Variants in ROBO2 observed in about 807,000 individuals in gnomAD.
ROBO2 encodes the protein roundabout homolog 2.
In ROBO2, 53 loss-of-function variants were observed where a neutral mutation model predicts 160.8. That is an observed-to-expected ratio of 0.33 (90% CI 0.26 to 0.41). The LOEUF is 0.41. Ranked by LOEUF, ROBO2 falls within the 10% of genes least tolerant of loss-of-function variation. The pLI is 1.00. For missense variants in ROBO2, 1,577 were observed against 1,722.4 expected (o/e 0.92, Z 1.49); for synonymous variants, 664 against 611.7 (o/e 1.09, Z -1.26).
chr3:77,419,805 A>T (rs1262758679), intron 2 of ROBO2, among the ~76,000 whole-genome samples: 1 of 152,266 alleles, frequency 6.6e-6, no homozygotes, highest in Admixed American at 6.5e-5. Flanking sequence ...CTTCTCAAAA[A>T]TGAATTTATT....
At chr3:77,495,805 G>A (rs1395015025) in intron 5 of ROBO2, among the ~76,000 whole-genome samples, 1 of 152,168 alleles carries the variant, frequency 6.6e-6, no homozygotes, top group Admixed American at 6.6e-5. Context: ...CGAGCTAGTT[G>A]ACAAAAGTAT....
chr3:77,044,943 G>A (rs1339130943), intron 1 of ROBO2, among the ~76,000 whole-genome samples: 3 of 152,092 alleles, frequency 2.0e-5, no homozygotes, highest in Non-Finnish European at 4.4e-5. Context: ...CATAGATATT[G>A]CTTTTCTCCT....
chr3:76,722,122 G>A (rs1456175401), intron 2 of ROBO2, among the ~76,000 whole-genome samples: 1 of 152,148 alleles, frequency 6.6e-6, no homozygotes. Context: ...TGGGAACAGA[G>A]GGAATGAAGT....
chr3:76,489,160 T>TTG (rs1553771720), intron 2 of ROBO2, among the ~76,000 whole-genome samples: 1 of 150,368 alleles, frequency 6.7e-6, no homozygotes, highest in African/African-American at 2.4e-5. Context: ...TTTTGTTTTT[T>TTG]TTTTTGGCCT....
At chr3:77,039,618 TCTC>T (rs1333622961), upstream of ROBO2, among the ~76,000 whole-genome samples, 1 of 151,866 alleles carries the variant, frequency 6.6e-6, no homozygotes, top group African/African-American at 2.4e-5. Context: ...CCGGCGGGGC[TCTC>T]CGAATTTGTT....
intron 2 of ROBO2, among the ~76,000 whole-genome samples, chr3:77,465,927 T>G (rs147519007): frequency 4.5e-4 from 69 of 152,306 alleles, no homozygotes; most frequent in African/African-American, 1.6e-3. Context: ...TTTGCATGTA[T>G]AAAAAGTACT....
chr3:76,308,863 G>A (rs1278754203), intron 2 of ROBO2, among the ~76,000 whole-genome samples: 1 of 152,128 alleles, frequency 6.6e-6, no homozygotes, highest in Non-Finnish European at 1.5e-5. Context: ...AAGAAACCTT[G>A]GAAATCTAAA....
At chr3:77,632,505 T>A in intron 23 of ROBO2, 1 of 1,535,064 alleles carries the variant, frequency 6.5e-7, no homozygotes, top group Non-Finnish European at 8.7e-7. Context: ...GCTCTGCATC[T>A]GATGAGGATC....
chr3:77,015,406 A>AT (rs1203763135), intron 2 of ROBO2, among the ~76,000 whole-genome samples: 24 of 152,296 alleles, frequency 1.6e-4, no homozygotes, highest in African/African-American at 5.8e-4. Context: ...TGCCTTTGAT[A>AT]TTTTAAGAGA....
intron 2 of ROBO2, among the ~76,000 whole-genome samples, chr3:76,979,030 C>T (rs1317578912): frequency 6.6e-6 from 1 of 151,786 alleles, no homozygotes; most frequent in Non-Finnish European, 1.5e-5. Flanking sequence ...GTAGACTCAA[C>T]ATCTTGAGCT....
chr3:76,240,040 G>C (rs1451995060), intron 2 of ROBO2, among the ~76,000 whole-genome samples: 1 of 152,136 alleles, frequency 6.6e-6, no homozygotes, highest in Non-Finnish European at 1.5e-5. Flanking sequence ...GTCACAGTGT[G>C]ATCAGGCAGA....
intron 2 of ROBO2, among the ~76,000 whole-genome samples, chr3:77,157,268 CA>C (rs1475397139): frequency 1.3e-5 from 2 of 152,032 alleles, no homozygotes; most frequent in Admixed American, 6.6e-5. Context: ...TAAGAGATCC[CA>C]TACTTAACAA....
At chr3:76,530,783 G>A (rs1444038994) in intron 2 of ROBO2, among the ~76,000 whole-genome samples, 2 of 152,130 alleles carry the variant, frequency 1.3e-5, no homozygotes, top group East Asian at 1.9e-4. Context: ...ATACACAGCC[G>A]ATACTATTTC....
At chr3:77,237,445 G>GTGT (rs1553862748) in intron 2 of ROBO2, among the ~76,000 whole-genome samples, 3 of 147,024 alleles carry the variant, frequency 2.0e-5, no homozygotes, top group South Asian at 2.2e-4. Flanking sequence ...GTGTGTGTGT[G>GTGT]GTGGTGATAA....
At chr3:76,778,967 G>C (rs915564240) in intron 2 of ROBO2, among the ~76,000 whole-genome samples, 7 of 151,058 alleles carry the variant, frequency 4.6e-5, no homozygotes, top group African/African-American at 1.7e-4. Flanking sequence ...AACATCACAT[G>C]TGTTTGTGTT....
chr3:76,108,067 T>C (rs1234828008), intron 2 of ROBO2, among the ~76,000 whole-genome samples: 1 of 152,076 alleles, frequency 6.6e-6, no homozygotes, highest in Non-Finnish European at 1.5e-5. Flanking sequence ...ACTCTTTTTA[T>C]TAGATGCTCT....
intron 2 of ROBO2, among the ~76,000 whole-genome samples, chr3:77,022,187 T>C (rs1422553480): frequency 2.6e-5 from 4 of 152,190 alleles, no homozygotes; most frequent in Admixed American, 2.6e-4. Flanking sequence ...CTGGCCAACA[T>C]GGCGAAATCT....
intron 2 of ROBO2, among the ~76,000 whole-genome samples, chr3:76,534,464 A>G (rs1234054361): frequency 6.6e-6 from 1 of 152,116 alleles, no homozygotes; most frequent in Non-Finnish European, 1.5e-5. Flanking sequence ...CTATTATATT[A>G]CCCATTTACC....
chr3:76,529,861 T>C (rs2082133510), intron 2 of ROBO2, among the ~76,000 whole-genome samples: 1 of 152,162 alleles, frequency 6.6e-6, no homozygotes, highest in South Asian at 2.1e-4. Flanking sequence ...TGGTAAGATA[T>C]GTGGAGGTGG....
Sources: allele counts gnomAD v4.1 joint callset (sites outside exome capture counted in the v4.1 genomes callset), GRCh38; gene constraint gnomAD v4.1.1; transcripts MANE v1.5; gene names NCBI Gene and HGNC (gene_info 2026-07-23, HGNC 2026-07-21).